The following XYLB variants were observed in gnomAD, a reference collection of about 807,000 sequenced individuals.
XYLB encodes xylulokinase.
XYLB carries 62 observed loss-of-function variants against 78.7 expected under a neutral mutation model. That is an observed-to-expected ratio of 0.79 (90% CI 0.64 to 0.97). The LOEUF is 0.97. Ranked by LOEUF, XYLB falls within the 50% of genes least tolerant of loss-of-function variation. The probability of loss-of-function intolerance (pLI) is 0.00; values close to 1 mark genes in which losing one functional copy is unlikely to be tolerated. For missense variants in XYLB, 687 were observed against 676.8 expected, an observed-to-expected ratio of 1.02 and a Z score of -0.17; for synonymous variants, 245 against 247.4, an observed-to-expected ratio of 0.99 and a Z score of 0.09.
chr3:38,398,092 A>G (rs990700832), intron 17 of XYLB, among the ~76,000 whole-genome samples: 1 of 151,754 alleles, frequency 6.6e-6, no homozygotes, highest in Non-Finnish European at 1.5e-5. Context: ...TACTGGGATT[A>G]CAGGCGTGAG....
At chr3:38,376,295 GC>G in intron 13 of XYLB, 63 bp downstream of exon 13, 1 of 1,298,904 alleles carries the variant, frequency 7.7e-7, no homozygotes, top group South Asian at 1.2e-5. Flanking sequence ...GAGGGGCAGA[GC>G]CTGGGGCCCC....
intron 12 of XYLB, among the ~76,000 whole-genome samples, 175 bp from the exon 13 acceptor site, chr3:38,375,942 G>T (rs1575490479): frequency 6.6e-6 from 1 of 152,174 alleles, no homozygotes; most frequent in Non-Finnish European, 1.5e-5. Context: ...ACATTCAGGG[G>T]CCTGAATCTG....
chr3:38,433,159 G>A, the XYLB span, among the ~76,000 whole-genome samples: 73 of 152,360 alleles, frequency 4.8e-4, no homozygotes, highest in East Asian at 7.9e-3. Flanking sequence ...TGTGGAAGCT[G>A]CCAAGGCTCA....
intron 16 of XYLB, among the ~76,000 whole-genome samples, chr3:38,395,966 T>C (rs539783381): frequency 6.6e-6 from 1 of 152,362 alleles, no homozygotes; most frequent in African/African-American, 2.4e-5. Flanking sequence ...ACTGTCCTTC[T>C]GGTCCTTCAT....
the XYLB span, among the ~76,000 whole-genome samples, chr3:38,431,487 C>T: frequency 2.0e-5 from 3 of 152,162 alleles, no homozygotes; most frequent in Non-Finnish European, 4.4e-5. Context: ...ACGATCATGT[C>T]GCCTGCAAAG....
At chr3:38,450,861 A>G in the XYLB span, among the ~76,000 whole-genome samples, 1 of 152,234 alleles carries the variant, frequency 6.6e-6, no homozygotes, top group Non-Finnish European at 1.5e-5. Flanking sequence ...ACAATGTTGC[A>G]GTAGTGTACA....
At chr3:38,431,306 G>A in the XYLB span, among the ~76,000 whole-genome samples, 3 of 152,116 alleles carry the variant, frequency 2.0e-5, no homozygotes, top group African/African-American at 7.2e-5. Flanking sequence ...ATTTCTCTTT[G>A]TAGCAATTGT....
chr3:38,450,305 A>T, the XYLB span, among the ~76,000 whole-genome samples: 364 of 152,328 alleles, frequency 2.4e-3, no homozygotes, highest in African/African-American at 8.5e-3. Context: ...TGCTAAATGA[A>T]TGTATTTAAT....
At chr3:38,401,368 G>A (rs1490472918) in intron 18 of XYLB, among the ~76,000 whole-genome samples, 2 of 152,164 alleles carry the variant, frequency 1.3e-5, no homozygotes, top group East Asian at 1.9e-4. Flanking sequence ...ACCCAGGCCA[G>A]GAAATCCCTG....
intron 9 of XYLB, among the ~76,000 whole-genome samples, chr3:38,372,121 G>A (rs1031539951): frequency 7.9e-5 from 12 of 152,152 alleles, no homozygotes; most frequent in South Asian, 2.1e-4. Flanking sequence ...CATGTTTTTC[G>A]TCATCCCTCT....
At chr3:38,398,902 C>T (rs1043611056) in intron 17 of XYLB, among the ~76,000 whole-genome samples, 8 of 151,244 alleles carry the variant, frequency 5.3e-5, no homozygotes, top group South Asian at 2.1e-4. Context: ...CATGGTGGCG[C>T]ACGCCTGTAG....
chr3:38,440,511 A>G, the XYLB span, among the ~76,000 whole-genome samples: 1 of 152,182 alleles, frequency 6.6e-6, no homozygotes, highest in Non-Finnish European at 1.5e-5. Context: ...ACCATCTATC[A>G]TCCTGTCCCA....
At position 38,370,240 on chromosome 3, in the gene XYLB, G is replaced by GCGCACA. The variant is rs1553653443; in HGVS notation, c.765+67_765+68insGCACAC. 31 of 647,682 alleles carry GCGCACA rather than the reference G, an allele frequency of 4.8e-5. 1 individual carries two copies. The highest frequency in any genetic ancestry group is 5.4e-5 in the African/African-American group (3 of 55,058). The allele number at this position is 647,682 out of a possible 1,614,324, so 40.1% of individuals were successfully genotyped here. On this transcript the variant is annotated intron_variant, in intron 9 of 18. Transcript: ENST00000207870. ...GCAGCTACCAGGGAAGCACTGTAGC[G>GCGCACA]CACACACACACACACACACACACAC...
intron 15 of XYLB, among the ~76,000 whole-genome samples, chr3:38,392,361 C>G (rs929890606): frequency 6.6e-6 from 1 of 152,090 alleles, no homozygotes; most frequent in African/African-American, 2.4e-5. Context: ...TGCAATGGCG[C>G]GATCTCGGCT....
intron 14 of XYLB, among the ~76,000 whole-genome samples, chr3:38,379,012 T>C (rs1257209451): frequency 1.3e-5 from 2 of 151,994 alleles, no homozygotes; most frequent in African/African-American, 4.8e-5. Context: ...GACTAAGTTC[T>C]GTAATGTCTC....
the XYLB span, among the ~76,000 whole-genome samples, chr3:38,430,375 A>G: frequency 2.1e-4 from 32 of 152,206 alleles, no homozygotes; most frequent in Middle Eastern, 3.4e-3. Flanking sequence ...GTCTGTTCAT[A>G]TCCTTTGCCC....
chr3:38,348,440 G>A (rs1015071403), intron 1 of XYLB, 110 bp from the exon 2 acceptor site: 4 of 997,542 alleles, frequency 4.0e-6, no homozygotes, highest in Non-Finnish European at 6.2e-6. Context: ...GAGGTCTCTA[G>A]GTTGAACTGC....
the XYLB span, among the ~76,000 whole-genome samples, chr3:38,434,285 A>G: frequency 6.6e-6 from 1 of 152,214 alleles, no homozygotes; most frequent in Non-Finnish European, 1.5e-5. Context: ...CTGATTTTCT[A>G]AAGTCCAAGA....
chr3:38,381,644 C>G (rs754370644), intron 15 of XYLB, among the ~76,000 whole-genome samples: 14 of 152,144 alleles, frequency 9.2e-5, no homozygotes, highest in Non-Finnish European at 2.9e-5. Flanking sequence ...AACTGGCCCC[C>G]CTGGGCGTAG....
Sources: allele counts gnomAD v4.1 joint callset (sites outside exome capture counted in the v4.1 genomes callset), GRCh38; gene constraint gnomAD v4.1.1; transcripts MANE v1.5; gene names NCBI Gene and HGNC (gene_info 2026-07-23, HGNC 2026-07-21).